SCARB1: variants seen among roughly 807,000 people sequenced by gnomAD.
The protein encoded by SCARB1 is CD36 and LIMPII analogous 1.
A neutral mutation model predicts 57.2 loss-of-function variants in SCARB1; 30 were observed. The observed-to-expected ratio is 0.52, with a 90% CI of 0.39 to 0.71. SCARB1 has a LOEUF of 0.71. SCARB1 is among the 30% of genes least tolerant of loss of function. SCARB1 has a pLI of 0.00. For synonymous variants in SCARB1, 249 were observed against 268.3 expected, an observed-to-expected ratio of 0.93 and a Z score of 0.70; for missense variants, 543 against 671.2, an observed-to-expected ratio of 0.81 and a Z score of 2.11.
chr12:124,804,010 AGGGGATG>A (rs1950238057), intron 7 of SCARB1, among the ~76,000 whole-genome samples: 1 of 152,194 alleles, frequency 6.6e-6, no homozygotes, highest in Non-Finnish European at 1.5e-5. Flanking sequence ...ACGCCCTTGG[AGGGGATG>A]GGCATGTCGT....
rs1950491233 is a variant in SCARB1 at position 124,810,653 on chromosome 12, C to T, written c.727-364G>A. ...GAAGTCAACAGGCACCTCCTGAAAA[C>T]AATCGGCACACAGGCAAACTACTTA... On this transcript the variant is annotated intron_variant, in intron 5 of 12. Transcript: ENST00000261693. This position sits in a 1 kb window ranked among gnomAD's most constrained non-coding sequence, Gnocchi z 4.0. Among the ~76,000 whole-genome samples the T allele has an allele frequency of 6.6e-6, 1 of 152,190 alleles. No individual in the cohort carries two copies. Among genetic ancestry groups the T allele is most frequent in the Admixed American group, 6.5e-5 (1 of 15,280 alleles).
chr12:124,857,074 G>A (rs753699458), intron 1 of SCARB1, among the ~76,000 whole-genome samples: 38 of 152,126 alleles, frequency 2.5e-4, no homozygotes, highest in Non-Finnish European at 3.7e-4. Flanking sequence ...CCCGCCGCCC[G>A]CCTTAAGCAT....
At chr12:124,847,880 G>T (rs544715401) in intron 1 of SCARB1, among the ~76,000 whole-genome samples, 1 of 152,204 alleles carries the variant, frequency 6.6e-6, no homozygotes, top group Non-Finnish European at 1.5e-5. Context: ...GTGGGAGTCT[G>T]TGGGAAGACC....
intron 1 of SCARB1, among the ~76,000 whole-genome samples, chr12:124,833,902 G>A (rs10846749): frequency 5.9e-5 from 9 of 152,104 alleles, no homozygotes; most frequent in African/African-American, 2.2e-4. Context: ...TGCGGAGCAG[G>A]ACACTCTCCC....
At chr12:124,841,077 G>C (rs779882324) in intron 1 of SCARB1, among the ~76,000 whole-genome samples, 12 of 151,788 alleles carry the variant, frequency 7.9e-5, no homozygotes, top group Non-Finnish European at 1.2e-4. Context: ...GCTGAGGCAA[G>C]AAAATTGCTT....
intron 1 of SCARB1, among the ~76,000 whole-genome samples, chr12:124,842,424 C>T (rs1202008459): frequency 6.6e-6 from 1 of 152,384 alleles, no homozygotes; most frequent in East Asian, 1.9e-4. Flanking sequence ...AGCTCCTCCC[C>T]ACACACCTCC....
intron 1 of SCARB1, among the ~76,000 whole-genome samples, chr12:124,832,448 A>G (rs1951439896): frequency 6.6e-6 from 1 of 151,908 alleles, no homozygotes; most frequent in Admixed American, 6.6e-5. Context: ...TGAACCTGGA[A>G]GGCAGAGGTT....
At chr12:124,860,012 G>A (rs111629990) in intron 1 of SCARB1, among the ~76,000 whole-genome samples, 4,241 of 146,942 alleles carry the variant, frequency 0.029, 197 homozygotes, top group African/African-American at 0.099. Flanking sequence ...GGGCAGTGGC[G>A]TGATCTCAGT....
At chr12:124,853,753 G>C (rs966019462) in intron 1 of SCARB1, among the ~76,000 whole-genome samples, 17 of 152,070 alleles carry the variant, frequency 1.1e-4, no homozygotes, top group Non-Finnish European at 2.4e-4. Context: ...CAACAGTGTG[G>C]TATAAATCAG....
chr12:124,809,267 ACTTTT>A (rs1376640747), intron 6 of SCARB1, among the ~76,000 whole-genome samples: 1 of 151,992 alleles, frequency 6.6e-6, no homozygotes, highest in Non-Finnish European at 1.5e-5. Flanking sequence ...TTCTCATGCA[ACTTTT>A]CTTTAAGTTT....
At chr12:124,861,881 C>CAG (rs1373721946) in intron 1 of SCARB1, among the ~76,000 whole-genome samples, 2 of 152,116 alleles carry the variant, frequency 1.3e-5, no homozygotes, top group South Asian at 2.1e-4. Flanking sequence ...GTGGTGCACA[C>CAG]ACACACACAC....
chr12:124,794,281 A>AT (rs762408996), intron 9 of SCARB1, among the ~76,000 whole-genome samples: 12 of 148,942 alleles, frequency 8.1e-5, no homozygotes, highest in Admixed American at 1.3e-4. Context: ...TAGGGGGGTT[A>AT]TTTTTTTTAT....
chr12:124,814,915 G>A lies in SCARB1; in HGVS notation c.426+58C>T. On this transcript the variant is annotated intron_variant, in intron 3 of 12. Transcript: ENST00000261693. The surrounding 1 kb of genome is among the most constrained non-coding windows in gnomAD (Gnocchi z 4.7). ...CTCTCTGCACAAGGGGCAGGCGGGA[G>A]GAGAGACAGGGGACGAGGTCAGGGT... 6.2e-7 allele frequency: 1 copy of A among 1,609,094 alleles called. No individual in the cohort carries two copies. Among genetic ancestry groups the A allele is most frequent in the South Asian group, 1.1e-5 (1 of 90,772 alleles).
chr12:124,791,420 A>G (rs1255960378), intron 9 of SCARB1, among the ~76,000 whole-genome samples: 2 of 152,198 alleles, frequency 1.3e-5, no homozygotes. Context: ...GCGAGATATT[A>G]TAACGTAACT....
At chr12:124,805,686 G>A (rs994691362) in intron 7 of SCARB1, among the ~76,000 whole-genome samples, 1 of 149,852 alleles carries the variant, frequency 6.7e-6, no homozygotes, top group Non-Finnish European at 1.5e-5. Flanking sequence ...AGCTTTCCAC[G>A]TAGCTAGGAC....
At chr12:124,826,728 G>A (rs1325641231) in intron 1 of SCARB1, among the ~76,000 whole-genome samples, 1 of 152,004 alleles carries the variant, frequency 6.6e-6, no homozygotes, top group African/African-American at 2.4e-5. Flanking sequence ...CCAAAGTGCT[G>A]GGATTATAGG....
chr12:124,781,615 T>A (rs1873490257), intron 12 of SCARB1, among the ~76,000 whole-genome samples: 1 of 152,162 alleles, frequency 6.6e-6, no homozygotes, highest in African/African-American at 2.4e-5. Flanking sequence ...GGCGGCCACA[T>A]AAAATCAGAA....
rs774310843 is a variant in SCARB1 at position 124,810,166 on chromosome 12, G to T, written c.842+8C>A. On this transcript the variant is annotated splice_region_variant and intron_variant, in intron 6 of 12. Transcript: ENST00000261693. This position sits in a 1 kb window ranked among gnomAD's most constrained non-coding sequence, Gnocchi z 4.0. ...GAAACCCAGGAGGCCCCGAGTCCCA[G>T]TGATTACCGGCAGGCCTCCGGGCTG... The T allele has an allele frequency of 1.9e-6, 3 of 1,598,104 alleles. No individual in the cohort carries two copies. Among genetic ancestry groups the T allele is most frequent in the Non-Finnish European group, 1.7e-6 (2 of 1,165,634 alleles).
intron 1 of SCARB1, among the ~76,000 whole-genome samples, chr12:124,833,764 G>A (rs549851806): frequency 1.6e-3 from 240 of 152,306 alleles, no homozygotes; most frequent in Admixed American, 3.0e-3. Context: ...AGGTGGACCC[G>A]GCAGGAAGCC....
Sources: allele counts gnomAD v4.1 joint callset (sites outside exome capture counted in the v4.1 genomes callset), GRCh38; gene constraint gnomAD v4.1.1; non-coding constraint Gnocchi (gnomAD v3.1); transcripts MANE v1.5; gene names NCBI Gene and HGNC (gene_info 2026-07-23, HGNC 2026-07-21).